Variants in IQCM observed in about 807,000 individuals in gnomAD.
IQCM encodes IQ motif containing M.
IQCM carries 45 observed loss-of-function variants against 57.6 expected under a neutral mutation model. That is an observed-to-expected ratio of 0.78 (90% CI 0.62 to 1.00). IQCM has a LOEUF of 1.00. Among genes scored for constraint, IQCM ranks in the 50% least tolerant of loss-of-function variants. IQCM has a pLI of 0.00. For synonymous variants in IQCM, 148 were observed against 158.9 expected (o/e 0.93, Z 0.51); for missense variants, 468 against 511.6 (o/e 0.91, Z 0.82).
At chr4:149,710,539 A>G (rs1764481580) in intron 5 of IQCM, among the ~76,000 whole-genome samples, 1 of 152,088 alleles carries the variant, frequency 6.6e-6, no homozygotes, top group Non-Finnish European at 1.5e-5. Flanking sequence ...CATTCAAGAA[A>G]ACCATCTGTG....
chr4:149,722,068 T>C (rs922986422), intron 5 of IQCM, among the ~76,000 whole-genome samples: 5 of 152,092 alleles, frequency 3.3e-5, no homozygotes, highest in Non-Finnish European at 5.9e-5. Flanking sequence ...TCTTCATATG[T>C]TTTTTGACCA....
At chr4:149,539,024 C>A (rs1267962849) in intron 12 of IQCM, among the ~76,000 whole-genome samples, 1 of 151,926 alleles carries the variant, frequency 6.6e-6, no homozygotes, top group Non-Finnish European at 1.5e-5. Flanking sequence ...ATAGGCTTCT[C>A]TATAGAAGAT....
intron 5 of IQCM, among the ~76,000 whole-genome samples, chr4:149,693,113 G>A (rs760560709): frequency 3.3e-5 from 5 of 152,104 alleles, no homozygotes; most frequent in Non-Finnish European, 7.4e-5. Flanking sequence ...ATTCACCTGA[G>A]CTCAATCATT....
intron 5 of IQCM, among the ~76,000 whole-genome samples, chr4:149,703,752 C>A (rs1229409575): frequency 1.3e-5 from 2 of 151,846 alleles, no homozygotes; most frequent in East Asian, 1.9e-4. Flanking sequence ...TCAGAATATT[C>A]TTGTGGCTGT....
intron 13 of IQCM, among the ~76,000 whole-genome samples, chr4:149,355,842 T>G (rs903154949): frequency 6.6e-6 from 1 of 152,124 alleles, no homozygotes; most frequent in African/African-American, 2.4e-5. Flanking sequence ...ATGGTTGAAC[T>G]AGTTTACAGT....
At chr4:149,492,620 A>C (rs548109279) in intron 12 of IQCM, among the ~76,000 whole-genome samples, 23 of 152,260 alleles carry the variant, frequency 1.5e-4, no homozygotes, top group African/African-American at 5.5e-4. Flanking sequence ...TGCAAGGCCT[A>C]CATTCTGTGT....
intron 2 of IQCM, among the ~76,000 whole-genome samples, chr4:149,760,833 T>C (rs1769436447): frequency 6.6e-6 from 1 of 152,080 alleles, no homozygotes; most frequent in Non-Finnish European, 1.5e-5. Flanking sequence ...TCAAAGAGTT[T>C]AAATAATATT....
intron 12 of IQCM, among the ~76,000 whole-genome samples, chr4:149,509,731 T>C (rs1744206990): frequency 6.6e-6 from 1 of 152,106 alleles, no homozygotes; most frequent in African/African-American, 2.4e-5. Flanking sequence ...ATATATATCA[T>C]TAAATTTATA....
intron 2 of IQCM, among the ~76,000 whole-genome samples, chr4:149,779,988 C>G (rs1197930449): frequency 2.0e-5 from 3 of 152,030 alleles, no homozygotes; most frequent in Non-Finnish European, 2.9e-5. Context: ...GGGAGTATGT[C>G]ATATCAATCC....
In IQCM at chr4:149,373,792, C is replaced by A. The variant is rs993010836; in HGVS notation, c.1391-21726G>T. Among the ~76,000 whole-genome samples the A allele has an allele frequency of 2.0e-5, 3 of 151,946 alleles. No homozygotes were observed. In the South Asian group the frequency reaches 6.2e-4, roughly 31 times the overall value. On this transcript the variant is annotated intron_variant, in intron 13 of 13. Transcript: ENST00000636793. The stretch of plus-strand genomic sequence containing the variant: ...CCTCACTTCTGGCCATCTTTTAGAT[C>A]TAGAACACTGAGAAATTTTAAAAAA...
chr4:149,782,450 A>AT (rs909503819), intron 2 of IQCM, among the ~76,000 whole-genome samples: 6 of 151,266 alleles, frequency 4.0e-5, no homozygotes, highest in Non-Finnish European at 5.9e-5. Flanking sequence ...TCTCTCTACA[A>AT]TTTTTTTTTA....
At chr4:149,407,072 G>A (rs1471317502) in intron 13 of IQCM, among the ~76,000 whole-genome samples, 1 of 151,994 alleles carries the variant, frequency 6.6e-6, no homozygotes, top group Non-Finnish European at 1.5e-5. Context: ...CCAAGTGAAA[G>A]AGGTTTCCCC....
chr4:149,475,976 G>T (rs1740139618), intron 12 of IQCM, among the ~76,000 whole-genome samples: 1 of 152,134 alleles, frequency 6.6e-6, no homozygotes, highest in African/African-American at 2.4e-5. Flanking sequence ...AGAAAGTTTT[G>T]CTGCAAAAGA....
intron 2 of IQCM, among the ~76,000 whole-genome samples, chr4:149,811,016 T>C (rs1774519400): frequency 6.6e-6 from 1 of 152,202 alleles, no homozygotes; most frequent in African/African-American, 2.4e-5. Context: ...ATTGGTTAGA[T>C]TTCTTAGCTT....
chr4:149,370,956 T>C (rs1730329124), intron 13 of IQCM, among the ~76,000 whole-genome samples: 1 of 151,934 alleles, frequency 6.6e-6, no homozygotes, highest in East Asian at 1.9e-4. Context: ...AGCCCAATTT[T>C]CCTGCCTTCT....
At chr4:149,716,168 G>C (rs1186029383) in intron 5 of IQCM, among the ~76,000 whole-genome samples, 1 of 152,276 alleles carries the variant, frequency 6.6e-6, no homozygotes, top group Non-Finnish European at 1.5e-5. Context: ...CACCCAAGCT[G>C]TTCATGCCAA....
chr4:149,552,719 T>C (rs1441613418), intron 11 of IQCM, among the ~76,000 whole-genome samples: 1 of 152,218 alleles, frequency 6.6e-6, no homozygotes, highest in Non-Finnish European at 1.5e-5. Context: ...ATTCAAGCTA[T>C]ATGTATCAGT....
At chr4:149,620,359 A>C (rs1476982095) in intron 8 of IQCM, among the ~76,000 whole-genome samples, 1 of 152,124 alleles carries the variant, frequency 6.6e-6, no homozygotes, top group Admixed American at 6.6e-5. Context: ...TTGTAATAAC[A>C]GCAAATGGCA....
chr4:149,586,950 G>A (rs934790868), intron 9 of IQCM, among the ~76,000 whole-genome samples: 2 of 151,566 alleles, frequency 1.3e-5, no homozygotes, highest in African/African-American at 4.8e-5. Flanking sequence ...GTTACTTTAG[G>A]ATGTACTTTC....
Sources: allele counts gnomAD v4.1 joint callset (sites outside exome capture counted in the v4.1 genomes callset), GRCh38; gene constraint gnomAD v4.1.1; transcripts MANE v1.5; gene names NCBI Gene and HGNC (gene_info 2026-07-23, HGNC 2026-07-21).